The following UST variants were observed in gnomAD, a reference collection of about 807,000 sequenced individuals.
The protein encoded by UST is uronyl 2-sulfotransferase.
A neutral mutation model predicts 45.6 loss-of-function variants in UST; 21 were observed. The observed-to-expected ratio is 0.46, with a 90% CI of 0.33 to 0.66. The LOEUF is 0.66. Among genes scored for constraint, UST ranks in the 30% least tolerant of loss-of-function variants. UST has a pLI of 0.02. For synonymous variants in UST, 215 were observed against 200.6 expected (o/e 1.07, Z -0.61); for missense variants, 463 against 512.4 (o/e 0.90, Z 0.93).
At chr6:148,960,305 G>A (rs2114952054) in intron 4 of UST, among the ~76,000 whole-genome samples, 1 of 152,200 alleles carries the variant, frequency 6.6e-6, no homozygotes, top group South Asian at 2.1e-4. Flanking sequence ...TAAACAGCCA[G>A]CTCTACCCCT....
chr6:149,001,441 C>T (rs1383664607), intron 5 of UST, among the ~76,000 whole-genome samples: 1 of 152,148 alleles, frequency 6.6e-6, no homozygotes, highest in African/African-American at 2.4e-5. Context: ...TAAATATTCA[C>T]ACAAGTATTT....
At chr6:148,776,099 A>G (rs1196655442) in intron 1 of UST, among the ~76,000 whole-genome samples, 1 of 152,110 alleles carries the variant, frequency 6.6e-6, no homozygotes, top group Non-Finnish European at 1.5e-5. Context: ...AATTGTCCTT[A>G]TTTATTTTGG....
rs778721016 is a variant in UST, at chr6:149,021,390, G to A, written c.846G>A (p.Gly282=). Residue 282 remains glycine, a synonymous_variant, in exon 7 of 8, where the codon GGG becomes GGA. Coordinates refer to ENST00000367463, the MANE Select transcript of UST (RefSeq NM_005715.3). ...TGAATGAAAACTTCCTGCTCGTGGG[G>A]ATTCTTGAAGAGTTGGAAGATGTGC... ...LNVNENFLLV[G]ILEELEDVLL... The A allele has an allele frequency of 1.2e-6, 2 of 1,614,216 alleles. No homozygotes were observed. The highest frequency in any genetic ancestry group is 8.5e-7 in the Non-Finnish European group (1 of 1,180,034).
At chr6:148,779,861 GT>G (rs1384246668) in intron 1 of UST, among the ~76,000 whole-genome samples, 7 of 152,090 alleles carry the variant, frequency 4.6e-5, no homozygotes, top group East Asian at 1.9e-4. Context: ...GTTTCTCAGT[GT>G]TTTTTCCCCC....
intron 1 of UST, among the ~76,000 whole-genome samples, chr6:148,850,946 A>G (rs1483701413): frequency 6.6e-6 from 1 of 152,202 alleles, no homozygotes; most frequent in Non-Finnish European, 1.5e-5. Flanking sequence ...AGGGTAGAGC[A>G]AAGCATCAGA....
intron 1 of UST, among the ~76,000 whole-genome samples, chr6:148,823,669 T>G (rs1777510690): frequency 6.6e-6 from 1 of 152,200 alleles, no homozygotes. Context: ...AAATAATAGC[T>G]TTCTTAAACT....
chr6:148,755,867 T>C lies in UST; in HGVS notation c.247+8190T>C, dbSNP rs547976005. Among the ~76,000 whole-genome samples, 3 of 152,290 alleles carry C rather than the reference T, an allele frequency of 2.0e-5. No homozygotes were observed. The South Asian group carries it at 6.2e-4, about 32-fold the overall frequency. On this transcript the variant is annotated intron_variant, in intron 1 of 7. Transcript: ENST00000367463. ...TCCAGGTGAAAAATGGTAATATTTT[T>C]TAATTATACTTTAAGTTCTAGGGTA...
chr6:148,951,505 G>A (rs752473839), intron 3 of UST, among the ~76,000 whole-genome samples: 32 of 152,126 alleles, frequency 2.1e-4, no homozygotes, highest in Non-Finnish European at 3.4e-4. Flanking sequence ...GAGTGGTCCC[G>A]CATGAGCCAG....
At chr6:149,049,931 T>TCTCTCACACA (rs1475301439) in intron 7 of UST, among the ~76,000 whole-genome samples, 10 of 134,548 alleles carry the variant, frequency 7.4e-5, no homozygotes, top group African/African-American at 2.9e-4. Flanking sequence ...TCTCTCTCTC[T>TCTCTCACACA]CACACACACA....
At chr6:149,042,563 G>A (rs1052748742) in intron 7 of UST, among the ~76,000 whole-genome samples, 12 of 152,174 alleles carry the variant, frequency 7.9e-5, no homozygotes, top group African/African-American at 2.7e-4. Flanking sequence ...CCCTGAGGCA[G>A]GTCACTCCAC....
chr6:148,963,975 C>G (rs142657109), intron 4 of UST, among the ~76,000 whole-genome samples: 29 of 152,324 alleles, frequency 1.9e-4, no homozygotes, highest in African/African-American at 6.5e-4. Context: ...CCCAGCAAGG[C>G]AGTCAGAACC....
chr6:148,781,561 T>C (rs934998819), intron 1 of UST, among the ~76,000 whole-genome samples: 4 of 152,198 alleles, frequency 2.6e-5, no homozygotes, highest in Non-Finnish European at 5.9e-5. Flanking sequence ...ACAGGTCATC[T>C]AGGAGATCTA....
At chr6:149,034,127 C>T (rs2065720995) in intron 7 of UST, among the ~76,000 whole-genome samples, 2 of 152,138 alleles carry the variant, frequency 1.3e-5, no homozygotes, top group Non-Finnish European at 1.5e-5. Context: ...GTCCTGCTGA[C>T]GTTGCTGTGA....
intron 5 of UST, among the ~76,000 whole-genome samples, chr6:148,990,067 A>C (rs1449316332): frequency 6.6e-6 from 1 of 152,210 alleles, no homozygotes; most frequent in East Asian, 1.9e-4. Context: ...TCTTTTAAAT[A>C]TTTTATTTGG....
At chr6:148,819,410 A>G (rs899192052) in intron 1 of UST, among the ~76,000 whole-genome samples, 2 of 152,246 alleles carry the variant, frequency 1.3e-5, no homozygotes, top group Admixed American at 6.5e-5. Flanking sequence ...CTGTTACCTA[A>G]TACTTCTTAC....
At chr6:148,864,574 T>C (rs1403006380) in intron 1 of UST, among the ~76,000 whole-genome samples, 1 of 152,222 alleles carries the variant, frequency 6.6e-6, no homozygotes, top group Admixed American at 6.5e-5. Context: ...CCCGTCTCTG[T>C]ATTGCTCACT....
chr6:148,860,495 C>T (rs972984978), intron 1 of UST, among the ~76,000 whole-genome samples: 2 of 152,166 alleles, frequency 1.3e-5, no homozygotes, highest in African/African-American at 2.4e-5. Context: ...ATTTCTTTCT[C>T]CTGCCTGATT....
At chr6:149,029,218 G>T (rs1375876219) in intron 7 of UST, among the ~76,000 whole-genome samples, 1 of 151,780 alleles carries the variant, frequency 6.6e-6, no homozygotes, top group Non-Finnish European at 1.5e-5. Flanking sequence ...ATGAAAGCCA[G>T]TGGAGACTAG....
chr6:148,839,624 C>A (rs1264304388), intron 1 of UST, among the ~76,000 whole-genome samples: 1 of 152,204 alleles, frequency 6.6e-6, no homozygotes, highest in African/African-American at 2.4e-5. Context: ...CACTGTGAGG[C>A]AGAGTCACTT....
Sources: gnomAD v4.1 joint callset for allele counts (sites outside exome capture counted in the v4.1 genomes callset) on GRCh38, gnomAD v4.1.1 for gene constraint, MANE v1.5 for transcripts, NCBI Gene and HGNC (gene_info 2026-07-23, HGNC 2026-07-21) for gene names.